DMXL1: variants seen among roughly 807,000 people sequenced by gnomAD.
The protein encoded by DMXL1 is Dmx like 1, also known as dmX-like protein 1.
Under a neutral mutation model 319.2 loss-of-function variants are expected in DMXL1, and 99 were observed. That is an observed-to-expected ratio of 0.31 (90% CI 0.26 to 0.37). The LOEUF (loss-of-function observed/expected upper bound fraction) is 0.37. DMXL1 is among the 10% of genes least tolerant of loss of function. The pLI, the probability that DMXL1 is intolerant of heterozygous loss-of-function variation, is 1.00. For missense variants in DMXL1, 3,745 were observed against 3,595.6 expected, an observed-to-expected ratio of 1.04 and a Z score of -1.06; for synonymous variants, 1,385 against 1,235.2, an observed-to-expected ratio of 1.12 and a Z score of -2.54.
chr5:119,075,805 TCCTCCCGCCTTGG>T (rs887517143), intron 1 of DMXL1, among the ~76,000 whole-genome samples: 1 of 151,918 alleles, frequency 6.6e-6, no homozygotes, highest in Non-Finnish European at 1.5e-5. Context: ...GCTCAAGTGA[TCCTCCCGCCTTGG>T]CCTCCCAGGC....
chr5:119,120,235 G>A (rs1180188867), intron 8 of DMXL1, among the ~76,000 whole-genome samples: 1 of 152,156 alleles, frequency 6.6e-6, no homozygotes, highest in Non-Finnish European at 1.5e-5. Context: ...ATTTATCTTT[G>A]AATGCTTTGT....
intron 13 of DMXL1, among the ~76,000 whole-genome samples, chr5:119,135,863 T>C (rs1006390464): frequency 6.6e-6 from 1 of 152,176 alleles, no homozygotes; most frequent in African/African-American, 2.4e-5. Context: ...TCATAGAGTG[T>C]AAAAACAGCC....
Position 119,118,832 on chromosome 5 carries a change from T to A in DMXL1, c.761T>A (p.Val254Glu). The A allele has an allele frequency of 1.2e-6, 2 of 1,612,712 alleles. No homozygotes were observed. The highest frequency in any genetic ancestry group is 2.2e-5 in the South Asian group (2 of 90,596). ...TTCCTTAGGGCTTCTGTATGTAATG[T>A]ACTGTTGACTTGCTGCAAAGATAAT... is the stretch of plus-strand genomic sequence containing the variant. ...KYMPRASVCN[V>E]LLTCCKDNVC... The change falls in exon 8 of 44, where the codon GTA (valine) becomes GAA (glutamate). Residue 254 changes from valine to glutamate, a missense_variant. By Grantham distance (121) the Val-to-Glu change is moderately radical. Coordinates refer to ENST00000539542, the MANE Select transcript of DMXL1 (RefSeq NM_001290321.3).
At chr5:119,187,114 CTT>C (rs1777874340) in intron 28 of DMXL1, among the ~76,000 whole-genome samples, 1 of 151,658 alleles carries the variant, frequency 6.6e-6, no homozygotes. Context: ...GCAACTGAAA[CTT>C]ATTTTTAAAA....
chr5:119,196,573 C>A, intron 31 of DMXL1, 117 bp downstream of exon 31: 1 of 688,828 alleles, frequency 1.5e-6, no homozygotes, highest in East Asian at 2.7e-5. Context: ...TTTCCTGTTA[C>A]AGAAGTTAGA....
intron 10 of DMXL1, among the ~76,000 whole-genome samples, chr5:119,130,403 CA>C (rs1247760150): frequency 1.3e-5 from 2 of 151,706 alleles, no homozygotes; most frequent in African/African-American, 4.8e-5. Context: ...AGTGCAGTGG[CA>C]CAATCTTGGC....
At chr5:119,191,178 G>A (rs569571707) in intron 29 of DMXL1, among the ~76,000 whole-genome samples, 30 of 152,212 alleles carry the variant, frequency 2.0e-4, no homozygotes, top group African/African-American at 6.0e-4. Context: ...TAGTTTATGC[G>A]TGCGTGGTCA....
chr5:119,126,331 G>T (rs991448258), intron 9 of DMXL1, among the ~76,000 whole-genome samples: 2 of 152,106 alleles, frequency 1.3e-5, no homozygotes, highest in Non-Finnish European at 2.9e-5. Context: ...TGTATGTGCT[G>T]CATTGAATGG....
rs111253463 is a variant in DMXL1 at position 119,245,332 on chromosome 5, T to G, written c.8922+756T>G. 3.4e-3 allele frequency among the ~76,000 whole-genome samples: 514 copies of G among 152,310 alleles called. 3 individuals are homozygous for G. The highest frequency in any genetic ancestry group is 0.012 in the African/African-American group (506 of 41,564). Reference sequence around the variant, plus strand: ...ATTTATTAATTTAAGCACTTACACTTATTTAGTAGAATCAGATGGGTTTTT... The same window carrying G: ...ATTTATTAATTTAAGCACTTACACTGATTTAGTAGAATCAGATGGGTTTTT... On this transcript the variant is annotated intron_variant, in intron 43 of 43. Transcript: ENST00000539542.
chr5:119,240,939 T>C (rs1007500237), intron 42 of DMXL1, among the ~76,000 whole-genome samples: 3 of 152,154 alleles, frequency 2.0e-5, no homozygotes, highest in Non-Finnish European at 4.4e-5. Context: ...TTCACAAGTA[T>C]AGCAAGGTCC....
intron 1 of DMXL1, among the ~76,000 whole-genome samples, chr5:119,092,044 T>C (rs953238764): frequency 1.3e-5 from 2 of 152,296 alleles, no homozygotes; most frequent in African/African-American, 4.8e-5. Flanking sequence ...TCTCCCTTTT[T>C]CCAGTGTAGA....
At position 119,149,975 on chromosome 5, in the gene DMXL1, C is replaced by G. The variant is rs1769403359; in HGVS notation, c.4148C>G (p.Thr1383Ser). 6.2e-7 allele frequency: 1 copy of G among 1,613,752 alleles called. No homozygotes were observed. Among genetic ancestry groups the G allele is most frequent in the Non-Finnish European group, 8.5e-7 (1 of 1,179,804 alleles). The change falls in exon 18 of 44, where the codon ACC becomes AGC. Residue 1383 changes from threonine (T) to serine (S), a missense_variant. Physicochemically the swap from Thr to Ser is moderately conservative, Grantham distance 58 (BLOSUM62 1). Transcript: ENST00000539542. ...ACAATCAGTGCTAGTGGAAGCACTACCAGAGACCCCCAGGCATTCAACAAG... is the reference window on the plus strand; with the variant it reads ...ACAATCAGTGCTAGTGGAAGCACTAGCAGAGACCCCCAGGCATTCAACAAG... Reference protein sequence around the residue: ...SLTISASGSTTRDPQAFNKAE... With the variant: ...SLTISASGSTSRDPQAFNKAE...
intron 1 of DMXL1, among the ~76,000 whole-genome samples, chr5:119,084,712 A>G (rs146447306): frequency 0.023 from 3,524 of 151,978 alleles, 133 homozygotes; most frequent in African/African-American, 0.081. Flanking sequence ...CTAAAAATAC[A>G]AAATTAGCCC....
At chr5:119,125,843 C>T (rs1318025678) in intron 9 of DMXL1, among the ~76,000 whole-genome samples, 2 of 152,128 alleles carry the variant, frequency 1.3e-5, no homozygotes, top group African/African-American at 2.4e-5. Flanking sequence ...GGAATACAGG[C>T]GTGAGCCACC....
chr5:119,230,686 A>T (rs1256859885), intron 38 of DMXL1, among the ~76,000 whole-genome samples: 2 of 152,112 alleles, frequency 1.3e-5, no homozygotes, highest in African/African-American at 2.4e-5. Context: ...ATTGATACCA[A>T]CCTGGCTAAC....
chr5:119,084,372 A>G (rs6871228), intron 1 of DMXL1, among the ~76,000 whole-genome samples: 4,979 of 152,150 alleles, frequency 0.033, 256 homozygotes, highest in African/African-American at 0.11. Flanking sequence ...CACCTGCCTC[A>G]GCCTCCCAAA....
intron 1 of DMXL1, among the ~76,000 whole-genome samples, chr5:119,090,559 G>GTT (rs200712247): frequency 0.028 from 3,314 of 118,430 alleles, 144 homozygotes; most frequent in African/African-American, 0.096. Context: ...TTTCTCCTCT[G>GTT]TTTTTTTTTT....
chr5:119,101,892 A>C (rs752941261), intron 2 of DMXL1, 43 bp from the exon 3 acceptor site: 3 of 1,302,462 alleles, frequency 2.3e-6, no homozygotes, highest in Non-Finnish European at 3.2e-6. Flanking sequence ...ATTCATAAGT[A>C]AGTTAACATA....
chr5:119,132,510 C>G lies in DMXL1; in HGVS notation c.1316-622C>G, dbSNP rs546152365. On this transcript the variant is annotated intron_variant, in intron 10 of 43. Coordinates refer to ENST00000539542, the MANE Select transcript of DMXL1 (RefSeq NM_001290321.3). The stretch of plus-strand genomic sequence containing the variant: ...CTTGACCAAGATGGTGAAACCCCGT[C>G]TCTACTAAAAAGTACAAAAATTAGC... 1.3e-5 allele frequency: 3 copies of G among 232,984 alleles called. No homozygotes were observed. The South Asian group carries it at 1.6e-4, about 12-fold the overall frequency. The allele number at this position is 232,984 out of a possible 1,614,324, so 14.4% of individuals were successfully genotyped here.
Sources: allele counts gnomAD v4.1 joint callset (sites outside exome capture counted in the v4.1 genomes callset), GRCh38; gene constraint gnomAD v4.1.1; transcripts MANE v1.5; gene names NCBI Gene and HGNC (gene_info 2026-07-23, HGNC 2026-07-21).